SAMD4B: variants seen among roughly 807,000 people sequenced by gnomAD.
The protein encoded by SAMD4B is protein Smaug homolog 2.
SAMD4B carries 5 observed loss-of-function variants against 74.5 expected under a neutral mutation model. The ratio of observed to expected loss-of-function variants is 0.07; its 90% confidence interval spans 0.04 to 0.14. The LOEUF (loss-of-function observed/expected upper bound fraction) is 0.14, where lower values mean the gene tolerates loss of function less well. SAMD4B is among the 10% of genes least tolerant of loss of function. The pLI, the probability that SAMD4B is intolerant of heterozygous loss-of-function variation, is 1.00. For missense variants in SAMD4B, 608 were observed against 921.8 expected (o/e 0.66, Z 4.41); for synonymous variants, 373 against 374.9 (o/e 1.00, Z 0.06).
intron 12 of SAMD4B, chr19:39,381,340 A>T (rs868475631): frequency 1.4e-5 from 7 of 499,606 alleles, no homozygotes; most frequent in Non-Finnish European, 1.8e-5. Context: ...ATCATCTCTC[A>T]CCCCTTACTC....
intron 3 of SAMD4B, chr19:39,360,069 C>T (rs1190412205): frequency 6.6e-6 from 1 of 151,678 alleles, no homozygotes; most frequent in East Asian, 1.9e-4. Context: ...GCCTGTAGTC[C>T]TAGCTACTCG....
At chr19:39,377,964 C>A in intron 8 of SAMD4B, 140 bp downstream of exon 8, 1 of 840,966 alleles carries the variant, frequency 1.2e-6, no homozygotes, top group Non-Finnish European at 1.8e-6. Flanking sequence ...CAGAGAGTAG[C>A]CAAGACAGGG....
intron 1 of SAMD4B, among the ~76,000 whole-genome samples, chr19:39,352,729 T>G (rs2076119647): frequency 6.7e-6 from 1 of 149,194 alleles, no homozygotes; most frequent in East Asian, 2.0e-4. Context: ...AAAGCTGGAT[T>G]AATGTTTAGT....
chr19:39,351,023 C>T, intron 1 of SAMD4B: 1 of 152,556 alleles, frequency 6.6e-6, no homozygotes. Context: ...ACTCTGTTGC[C>T]CAGGCTGGAG....
At chr19:39,363,057 G>A (rs543191379) in intron 3 of SAMD4B, among the ~76,000 whole-genome samples, 22 of 152,232 alleles carry the variant, frequency 1.4e-4, no homozygotes, top group African/African-American at 5.1e-4. Flanking sequence ...CCTCTGACTG[G>A]TGCCTGAGGC....
chr19:39,389,341 T>G (rs1237760305), downstream of SAMD4B: 1 of 1,614,194 alleles, frequency 6.2e-7, no homozygotes, highest in Non-Finnish European at 8.5e-7. The surrounding 1 kb of genome is among the most constrained non-coding windows in gnomAD (Gnocchi z 5.3). Context: ...AGATGTACTC[T>G]GTCTTTCGCA....
chr19:39,385,176 T>G lies in SAMD4B; in HGVS notation c.*1649T>G. 6.9e-6 allele frequency: 1 copy of G among 144,974 alleles called. No individual in the cohort carries two copies. The allele number at this position is 144,974 out of a possible 1,614,324, so 9.0% of individuals were successfully genotyped here. Reference sequence around the variant, plus strand: ...CTATGCAAGTCCCCCACCCCGGCCCTCCATGTTTCTGTGCCTTTGCTCATC... The same window carrying G: ...CTATGCAAGTCCCCCACCCCGGCCCGCCATGTTTCTGTGCCTTTGCTCATC... On this transcript the variant is annotated 3_prime_UTR_variant, in exon 14 of 14. Transcript: ENST00000610417.
intron 10 of SAMD4B, 41 bp downstream of exon 10, chr19:39,380,125 G>C: frequency 6.8e-7 from 1 of 1,478,688 alleles, no homozygotes; most frequent in East Asian, 2.3e-5. Flanking sequence ...CCCTCCATAG[G>C]CCTTTGCTGG....
At position 39,377,439 on chromosome 19, in the gene SAMD4B, C is replaced by T. The variant is rs2145805873; in HGVS notation, c.1105-46C>T. On this transcript the variant is annotated intron_variant, in intron 7 of 13. Transcript: ENST00000610417. ...CTCTGTGTAGATACTCTCTGTCCCT[C>T]ATTGTAGGGTCTGCATGTGACCCCA... The T allele has an allele frequency of 2.1e-6, 3 of 1,453,384 alleles. No individual in the cohort carries two copies. In the East Asian group the frequency reaches 7.0e-5, roughly 34 times the overall value. 90.0% of individuals were successfully genotyped at this position (1,453,384 alleles called of 1,614,324 possible). A position where few individuals can be genotyped will look rare whatever the true frequency, so the allele number is the denominator to read the frequency against.
chr19:39,365,445 T>C (rs754403049), intron 3 of SAMD4B, among the ~76,000 whole-genome samples: 13 of 151,634 alleles, frequency 8.6e-5, no homozygotes, highest in Non-Finnish European at 1.3e-4. Flanking sequence ...TCCCAGCTAC[T>C]GGTGGGGGCT....
intron 3 of SAMD4B, among the ~76,000 whole-genome samples, chr19:39,367,514 T>C (rs928713151): frequency 2.7e-4 from 39 of 145,074 alleles, no homozygotes; most frequent in African/African-American, 9.0e-4. Flanking sequence ...TTTCTTTTTT[T>C]TTTTTTTTTT....
chr19:39,358,484 T>C (rs1259202091), intron 3 of SAMD4B, among the ~76,000 whole-genome samples: 1 of 151,838 alleles, frequency 6.6e-6, no homozygotes, highest in Non-Finnish European at 1.5e-5. Context: ...ACTCCTGACC[T>C]CATGATCTGC....
downstream of SAMD4B, chr19:39,386,073 C>T (rs144303281): frequency 7.9e-5 from 127 of 1,613,918 alleles, no homozygotes; most frequent in Non-Finnish European, 1.0e-5. This position sits in a 1 kb window ranked among gnomAD's most constrained non-coding sequence, Gnocchi z 6.1. Context: ...CTCGCTGCCA[C>T]TGGGGAAGGG....
Position 39,385,557 on chromosome 19 carries a change from CT to C in SAMD4B, c.*2031del. 2.0e-6 allele frequency: 1 copy of C among 495,690 alleles called. No individual in the cohort carries two copies. Among genetic ancestry groups the C allele is most frequent in the East Asian group, 3.1e-5 (1 of 32,254 alleles). 30.7% of individuals were successfully genotyped at this position (495,690 alleles called of 1,614,324 possible). ...ATGATTTCACCCTCCCTACCCACTT[CT>C]GTCCCCGGCCCCACTGGCAGAATCA... On this transcript the variant is annotated 3_prime_UTR_variant, in exon 14 of 14. Transcript: ENST00000610417.
downstream of SAMD4B, chr19:39,386,600 G>A: frequency 6.2e-7 from 1 of 1,611,742 alleles, no homozygotes; most frequent in East Asian, 2.2e-5. This position sits in a 1 kb window ranked among gnomAD's most constrained non-coding sequence, Gnocchi z 6.1. Flanking sequence ...GGAATGAGGG[G>A]AAGGAGGGTG....
downstream of SAMD4B, chr19:39,390,393 C>G: frequency 9.0e-7 from 1 of 1,114,776 alleles, no homozygotes; most frequent in Non-Finnish European, 1.3e-6. Flanking sequence ...GTGACAAATG[C>G]TGGTTTCTTT....
Position 39,385,399 on chromosome 19 carries a change from T to TCA in SAMD4B, c.*1881_*1882dup. The TCA allele has an allele frequency of 2.4e-6, 1 of 410,548 alleles. No individual in the cohort carries two copies. The highest frequency in any genetic ancestry group is 4.3e-6 in the Non-Finnish European group (1 of 232,548). The allele number at this position is 410,548 out of a possible 1,614,324, so 25.4% of individuals were successfully genotyped here. On this transcript the variant is annotated 3_prime_UTR_variant, in exon 14 of 14. Coordinates refer to ENST00000610417, the MANE Select transcript of SAMD4B (RefSeq NM_001384574.2). ...CTGGGAGGTGGTGAGGGACACCGTC[T>TCA]CACACACACAGGGAGGCAAGAGCTG...
intron 1 of SAMD4B, among the ~76,000 whole-genome samples, chr19:39,346,082 A>G (rs2075685083): frequency 6.6e-6 from 1 of 152,112 alleles, no homozygotes; most frequent in Non-Finnish European, 1.5e-5. Context: ...TTTTCAAGGG[A>G]TTCTGTTTCT....
chr19:39,356,797 C>T lies in SAMD4B; in HGVS notation c.-97C>T. On this transcript the variant is annotated 5_prime_UTR_variant, in exon 3 of 14. Coordinates refer to ENST00000610417, the MANE Select transcript of SAMD4B (RefSeq NM_001384574.2). ...CCAGAAACGTCCTTAAGCCCTGGCCCTCAGGGGAAAGGTAACAGGAGGCCA... is the reference window on the plus strand; with the variant it reads ...CCAGAAACGTCCTTAAGCCCTGGCCTTCAGGGGAAAGGTAACAGGAGGCCA... 9.3e-7 allele frequency: 1 copy of T among 1,079,934 alleles called. No homozygotes were observed. The highest frequency in any genetic ancestry group is 1.3e-6 in the Non-Finnish European group (1 of 763,892). The allele number at this position is 1,079,934 out of a possible 1,614,324, so 66.9% of individuals were successfully genotyped here. A position where few individuals can be genotyped will look rare whatever the true frequency, so the allele number is the denominator to read the frequency against.
Sources: gnomAD v4.1 joint callset for allele counts (sites outside exome capture counted in the v4.1 genomes callset) on GRCh38, gnomAD v4.1.1 for gene constraint, Gnocchi (gnomAD v3.1) non-coding constraint, MANE v1.5 for transcripts, NCBI Gene and HGNC (gene_info 2026-07-23, HGNC 2026-07-21) for gene names.